Variants in ZNF541 observed in about 807,000 individuals in gnomAD.
The protein encoded by ZNF541 is zinc finger protein 541.
A neutral mutation model predicts 123.5 loss-of-function variants in ZNF541; 23 were observed. The observed-to-expected ratio is 0.19, with a 90% CI of 0.13 to 0.26. The LOEUF is 0.26. ZNF541 is among the 10% of genes least tolerant of loss of function. The pLI is 1.00. For synonymous variants in ZNF541, 751 were observed against 754.5 expected (o/e 1.00, Z 0.08); for missense variants, 1,612 against 1,789.9 (o/e 0.90, Z 1.79).
At position 47,531,877 on chromosome 19, in the gene ZNF541, G is replaced by A. The variant is rs536401048; in HGVS notation, c.3302-132C>T. The A allele has an allele frequency of 7.3e-5, 69 of 945,464 alleles. 2 individuals carry two copies. The South Asian group carries it at 1.1e-3, about 15-fold the overall frequency. The allele number at this position is 945,464 out of a possible 1,614,324, so 58.6% of individuals were successfully genotyped here. On this transcript the variant is annotated intron_variant, in intron 11 of 16. Transcript: ENST00000391901. Reference sequence around the variant, plus strand: ...TCTCCTGCATCTCAGGGAGGGACAAGGAGGAAGAGCAGAACCCTGTCCCCA... The same window carrying A: ...TCTCCTGCATCTCAGGGAGGGACAAAGAGGAAGAGCAGAACCCTGTCCCCA...
chr19:47,552,575 C>T (rs1413292917), intron 3 of ZNF541, among the ~76,000 whole-genome samples: 1 of 151,784 alleles, frequency 6.6e-6, no homozygotes, highest in Admixed American at 6.6e-5. Context: ...AACCCCGTCT[C>T]TACTAAAAAT....
chr19:47,534,693 T>G (rs1282052208), intron 9 of ZNF541, among the ~76,000 whole-genome samples: 7 of 150,582 alleles, frequency 4.6e-5, no homozygotes, highest in Admixed American at 4.6e-4. Flanking sequence ...AAACAAAAGT[T>G]AAAAGCTACA....
intron 2 of ZNF541, among the ~76,000 whole-genome samples, chr19:47,558,253 A>G (rs1364878394): frequency 2.0e-5 from 3 of 151,918 alleles, no homozygotes; most frequent in Non-Finnish European, 2.9e-5. Flanking sequence ...CATCTCTATT[A>G]AAAATACAAA....
rs978763052 is a variant in ZNF541 at position 47,546,830 on chromosome 19, T to C, written c.549-850A>G. 3.9e-4 allele frequency among the ~76,000 whole-genome samples: 59 copies of C among 152,162 alleles called. 1 individual carries two copies. The highest frequency in any genetic ancestry group is 8.8e-5 in the Non-Finnish European group (6 of 68,024). ...CTGCCCCCCAGGTTCAAGCGATTCT[T>C]GTGCCTCAGCCTCCAAGTAGCTGGG... On this transcript the variant is annotated intron_variant, in intron 4 of 16. Transcript: ENST00000391901.
intron 14 of ZNF541, among the ~76,000 whole-genome samples, chr19:47,523,339 TAAAAAAAAAAA>T (rs75366644): frequency 5.7e-5 from 6 of 105,750 alleles, no homozygotes; most frequent in Non-Finnish European, 1.1e-4. Flanking sequence ...GCGTCTCTTT[TAAAAAAAAAAA>T]AAAAAAAAAA....
At chr19:47,563,427 T>A (rs1971142829) in intron 2 of ZNF541, among the ~76,000 whole-genome samples, 1 of 152,132 alleles carries the variant, frequency 6.6e-6, no homozygotes. Context: ...CTCAGGATTC[T>A]CAGAGCTTTT....
chr19:47,529,503 A>G (rs1420278201), intron 13 of ZNF541, 74 bp downstream of exon 13: 1 of 1,457,512 alleles, frequency 6.9e-7, no homozygotes, highest in Non-Finnish European at 9.4e-7. Context: ...GCAGGGGCAG[A>G]GCTTGCAACA....
rs1157907977 is a variant in ZNF541 at position 47,540,267 on chromosome 19, C to T, written c.2531G>A (p.Ser844Asn). 6.4e-7 allele frequency: 1 copy of T among 1,551,944 alleles called. No homozygotes were observed. Among genetic ancestry groups the T allele is most frequent in the Non-Finnish European group, 8.7e-7 (1 of 1,147,056 alleles). Residue 844 changes from serine to asparagine, a missense_variant, in exon 7 of 17, where the codon AGC (serine) becomes AAC (asparagine). This residue lies in a region of ZNF541 where 1,080 missense variants were observed against 1,013.8 expected (regional missense o/e 1.07). Transcript: ENST00000391901. ...CCCTTTCTCCGTATAAAACATCTGGCTGCAGTTCTTGCAGACAAAAGTGCT... is the reference window on the plus strand; with the variant it reads ...CCCTTTCTCCGTATAAAACATCTGGTTGCAGTTCTTGCAGACAAAAGTGCT... The part of the protein sequence containing the change: ...PRSTFVCKNC[S>N]QMFYTEKGLS...
At chr19:47,557,655 G>GACAGCA (rs954617229) in intron 2 of ZNF541, among the ~76,000 whole-genome samples, 6 of 152,044 alleles carry the variant, frequency 3.9e-5, no homozygotes, top group African/African-American at 1.4e-4. Context: ...GCCTGGGCAA[G>GACAGCA]ACAGCAAGAC....
chr19:47,558,566 T>G (rs1207048360), intron 2 of ZNF541, among the ~76,000 whole-genome samples: 1 of 151,962 alleles, frequency 6.6e-6, no homozygotes, highest in African/African-American at 2.4e-5. Flanking sequence ...AAGATACAAA[T>G]TACCAAAACT....
intron 2 of ZNF541, among the ~76,000 whole-genome samples, chr19:47,560,230 A>G (rs539473837): frequency 6.6e-6 from 1 of 152,288 alleles, no homozygotes; most frequent in South Asian, 2.1e-4. Context: ...CTGACTTGCT[A>G]AAAGCCAGGG....
rs762163420 is a variant in ZNF541, at chr19:47,555,879, G to A, written c.-23C>T. The A allele has an allele frequency of 1.8e-4, 271 of 1,530,878 alleles. 1 individual carries two copies. The highest frequency in any genetic ancestry group is 2.3e-4 in the Non-Finnish European group (266 of 1,134,890). The allele number at this position is 1,530,878 out of a possible 1,614,324, so 94.8% of individuals were successfully genotyped here. A position where few individuals can be genotyped will look rare whatever the true frequency, so the allele number is the denominator to read the frequency against. On this transcript the variant is annotated 5_prime_UTR_variant, in exon 3 of 17. Transcript: ENST00000391901. Reference sequence around the variant, plus strand: ...CATGGCTCTCCACTGCCAGGTCTTGGCCAAAAGCTACTCTCCAGATAAGCA... The same window carrying A: ...CATGGCTCTCCACTGCCAGGTCTTGACCAAAAGCTACTCTCCAGATAAGCA...
At chr19:47,547,575 G>A (rs1389673499) in intron 4 of ZNF541, among the ~76,000 whole-genome samples, 2 of 152,112 alleles carry the variant, frequency 1.3e-5, no homozygotes. Flanking sequence ...TCTACCCCCA[G>A]CTATTACCAA....
At chr19:47,529,709 G>A (rs970874009) in intron 12 of ZNF541, 57 bp from the exon 13 acceptor site, 4 of 1,446,042 alleles carry the variant, frequency 2.8e-6, no homozygotes, top group Admixed American at 2.0e-5. Flanking sequence ...AGGACCACAG[G>A]CATCCTCCCA....
At chr19:47,553,835 C>T (rs959258693) in intron 3 of ZNF541, among the ~76,000 whole-genome samples, 4 of 152,152 alleles carry the variant, frequency 2.6e-5, no homozygotes, top group African/African-American at 7.2e-5. Flanking sequence ...CCACCATGTC[C>T]GGCCAGAGCT....
chr19:47,569,489 C>T (rs530989975), intron 2 of ZNF541, among the ~76,000 whole-genome samples: 3 of 152,234 alleles, frequency 2.0e-5, no homozygotes. Flanking sequence ...CGCTTGCCCG[C>T]TCCACTATGC....
At chr19:47,527,062 G>A (rs1969332515) in intron 14 of ZNF541, among the ~76,000 whole-genome samples, 1 of 152,204 alleles carries the variant, frequency 6.6e-6, no homozygotes, top group African/African-American at 2.4e-5. Context: ...CTGAGTGTGA[G>A]AAAGCTGGAC....
chr19:47,526,336 GC>G (rs1969293282), intron 14 of ZNF541, among the ~76,000 whole-genome samples: 1 of 151,958 alleles, frequency 6.6e-6, no homozygotes, highest in Non-Finnish European at 1.5e-5. Context: ...ACAAAAATTA[GC>G]CAGGCGTGGT....
Position 47,540,095 on chromosome 19 carries a change from T to C in ZNF541, c.2622+81A>G, listed in dbSNP as rs1599988573. 3 of 1,478,888 alleles carry C rather than the reference T, an allele frequency of 2.0e-6. No homozygotes were observed. The East Asian group carries it at 7.5e-5, about 37-fold the overall frequency. The allele number at this position is 1,478,888 out of a possible 1,614,324, so 91.6% of individuals were successfully genotyped here. ...CCAGAGTGACGTCCCCATCCTGAGA[T>C]AAGTGACACCAATCTCGTTTACTCC... On this transcript the variant is annotated intron_variant, in intron 7 of 16. Coordinates refer to ENST00000391901, the MANE Select transcript of ZNF541 (RefSeq NM_001277075.3).
Sources: gnomAD v4.1 joint callset for allele counts (sites outside exome capture counted in the v4.1 genomes callset) on GRCh38, gnomAD v4.1.1 for gene constraint, gnomAD v4.1.1 regional missense constraint, MANE v1.5 for transcripts, NCBI Gene and HGNC (gene_info 2026-07-23, HGNC 2026-07-21) for gene names.